The following QRICH1 variants were observed in gnomAD, a reference collection of about 807,000 sequenced individuals.
The protein encoded by QRICH1 is transcriptional regulator QRICH1.
In QRICH1, 16 loss-of-function variants were observed where a neutral mutation model predicts 87.1. The observed-to-expected ratio is 0.18, with a 90% CI of 0.12 to 0.28. QRICH1 has a LOEUF of 0.28. Among genes scored for constraint, QRICH1 ranks in the 10% least tolerant of loss-of-function variants. The pLI is 1.00. For missense variants in QRICH1, 647 were observed against 951.7 expected, an observed-to-expected ratio of 0.68 and a Z score of 4.21; for synonymous variants, 367 against 368.4, an observed-to-expected ratio of 1.00 and a Z score of 0.05.
chr3:49,044,531 T>C, intron 5 of QRICH1, 27 bp from the exon 6 acceptor site: 1 of 1,469,998 alleles, frequency 6.8e-7, no homozygotes, highest in Non-Finnish European at 9.5e-7. Context: ...TAATAGAAGT[T>C]ATTGGTAGTC....
chr3:49,055,997 CAG>C (rs1314439386), intron 3 of QRICH1, among the ~76,000 whole-genome samples: 2 of 151,770 alleles, frequency 1.3e-5, no homozygotes, highest in Middle Eastern at 3.4e-3. Flanking sequence ...TTTCTTTTGA[CAG>C]AGTTTTGCTC....
At chr3:49,079,423 TAATAA>T (rs984705207) in intron 1 of QRICH1, among the ~76,000 whole-genome samples, 1 of 148,046 alleles carries the variant, frequency 6.8e-6, no homozygotes, top group African/African-American at 2.5e-5. Flanking sequence ...TAAATAATTA[TAATAA>T]AATATTATAA....
At chr3:49,089,550 C>G (rs1198262359) in intron 1 of QRICH1, among the ~76,000 whole-genome samples, 1 of 152,052 alleles carries the variant, frequency 6.6e-6, no homozygotes, top group African/African-American at 2.4e-5. Flanking sequence ...CAAGAATGTT[C>G]ACAGCAGCAT....
rs192519846 is a variant in QRICH1 at position 49,059,777 on chromosome 3, T to C, written c.310-1887A>G. Among the ~76,000 whole-genome samples, 9 of 151,494 alleles carry C rather than the reference T, an allele frequency of 5.9e-5. No homozygotes were observed. The East Asian group carries it at 9.8e-4, about 16-fold the overall frequency. On this transcript the variant is annotated intron_variant, in intron 2 of 9. Coordinates refer to ENST00000395443, the MANE Select transcript of QRICH1 (RefSeq NM_198880.3). ...GCTCGTTCCCCAGGCTGGAGTGATATGGTAGTCACGGCTCACCGTAACCTC... is the reference window on the plus strand; with the variant it reads ...GCTCGTTCCCCAGGCTGGAGTGATACGGTAGTCACGGCTCACCGTAACCTC...
chr3:49,067,713 G>C (rs1309555423), intron 2 of QRICH1, among the ~76,000 whole-genome samples: 3 of 152,080 alleles, frequency 2.0e-5, no homozygotes, highest in South Asian at 2.1e-4. Flanking sequence ...AGGCGCGGTG[G>C]CTCAGGCCTA....
At chr3:49,062,063 T>C (rs988974355) in intron 2 of QRICH1, among the ~76,000 whole-genome samples, 1 of 151,940 alleles carries the variant, frequency 6.6e-6, no homozygotes, top group Non-Finnish European at 1.5e-5. Flanking sequence ...GTTGGCCAGA[T>C]GCGGTGGCTC....
intron 3 of QRICH1, among the ~76,000 whole-genome samples, chr3:49,048,348 T>A (rs1353189864): frequency 6.6e-6 from 1 of 151,558 alleles, no homozygotes; most frequent in Non-Finnish European, 1.5e-5. Flanking sequence ...GTCAGGCTGG[T>A]CTTGACTCCC....
chr3:49,034,191 C>T (rs1010231223), intron 6 of QRICH1, among the ~76,000 whole-genome samples: 17 of 151,140 alleles, frequency 1.1e-4, no homozygotes, highest in Non-Finnish European at 1.8e-4. Flanking sequence ...GCCTGTAATC[C>T]GAGAACTTTG....
chr3:49,061,304 T>C (rs952007900), intron 2 of QRICH1, among the ~76,000 whole-genome samples: 2 of 152,074 alleles, frequency 1.3e-5, no homozygotes, highest in African/African-American at 4.8e-5. Context: ...GAGTGCTTAC[T>C]TAACATATGT....
chr3:49,087,167 G>C (rs566048792), intron 1 of QRICH1: 1 of 152,290 alleles, frequency 6.6e-6, no homozygotes, highest in South Asian at 2.1e-4. Context: ...TGAGGCAGGA[G>C]AATCACTTGC....
intron 6 of QRICH1, among the ~76,000 whole-genome samples, chr3:49,038,124 C>T (rs1159396727): frequency 6.6e-6 from 1 of 151,288 alleles, no homozygotes; most frequent in East Asian, 1.9e-4. Flanking sequence ...GGCAGTGGCG[C>T]GATCTCGGCT....
At chr3:49,061,990 T>C (rs536867723) in intron 2 of QRICH1, among the ~76,000 whole-genome samples, 2 of 152,112 alleles carry the variant, frequency 1.3e-5, no homozygotes, top group South Asian at 4.1e-4. Context: ...AAAAGACAGA[T>C]AACAAGTATA....
At chr3:49,037,211 A>G (rs887416160) in intron 6 of QRICH1, among the ~76,000 whole-genome samples, 1 of 152,212 alleles carries the variant, frequency 6.6e-6, no homozygotes, top group Non-Finnish European at 1.5e-5. Context: ...TGATCAAAGA[A>G]AGGCCAACTA....
At chr3:49,076,448 T>C (rs543208247) in intron 2 of QRICH1, among the ~76,000 whole-genome samples, 3 of 151,842 alleles carry the variant, frequency 2.0e-5, no homozygotes, top group Non-Finnish European at 4.4e-5. Context: ...CGCTTCTGGG[T>C]TGGGGTTTCC....
chr3:49,058,557 C>T (rs568912483), intron 2 of QRICH1, among the ~76,000 whole-genome samples: 1 of 152,146 alleles, frequency 6.6e-6, no homozygotes, highest in Admixed American at 6.6e-5. Flanking sequence ...AACTCCTGAC[C>T]TCAACTGGTC....
chr3:49,044,323 C>T, intron 6 of QRICH1, 67 bp downstream of exon 6: 3 of 1,275,302 alleles, frequency 2.4e-6, no homozygotes, highest in Non-Finnish European at 3.3e-6. Context: ...CATAGCCAAC[C>T]ACAGAAGCTA....
chr3:49,088,052 C>T (rs1410836996), intron 1 of QRICH1, among the ~76,000 whole-genome samples: 3 of 151,052 alleles, frequency 2.0e-5, no homozygotes, highest in South Asian at 2.1e-4. Context: ...CCCGGGTTCA[C>T]GCCAGTCTCC....
At chr3:49,046,754 C>T (rs750167597) in intron 4 of QRICH1, among the ~76,000 whole-genome samples, 175 bp from the exon 5 acceptor site, 7 of 152,116 alleles carry the variant, frequency 4.6e-5, no homozygotes, top group Non-Finnish European at 1.0e-4. Flanking sequence ...AGCCTAATGC[C>T]AAGAAAGAAG....
intron 2 of QRICH1, among the ~76,000 whole-genome samples, chr3:49,075,428 C>T (rs1046412614): frequency 2.0e-5 from 3 of 151,648 alleles, no homozygotes; most frequent in Non-Finnish European, 4.4e-5. Flanking sequence ...GTCAGAAGTT[C>T]GAGACCAGCC....
Sources: gnomAD v4.1 joint callset for allele counts (sites outside exome capture counted in the v4.1 genomes callset) on GRCh38, gnomAD v4.1.1 for gene constraint, MANE v1.5 for transcripts, NCBI Gene and HGNC (gene_info 2026-07-23, HGNC 2026-07-21) for gene names.